The following DCAF8L2 variants were observed in gnomAD, a reference collection of about 807,000 sequenced individuals.
The protein encoded by DCAF8L2 is DDB1 and CUL4 associated factor 8 like 2.
For synonymous variants in DCAF8L2, 200 were observed against 190.9 expected (o/e 1.05, Z -0.39); for missense variants, 430 against 490.7 (o/e 0.88, Z 1.17).
chrX:27,623,722 T>TAAAAAATGGTG (rs1927889858), intron 1 of DCAF8L2, among the ~76,000 whole-genome samples: 1 of 111,473 alleles, frequency 9.0e-6, no homozygotes, highest in African/African-American at 3.3e-5. Context: ...AGACACCATT[T>TAAAAAATGGTG]TTTAAAACAG....
At chrX:27,606,224 GATACAA>G (rs1183010381) in intron 1 of DCAF8L2, among the ~76,000 whole-genome samples, 2 of 55,259 alleles carry the variant, frequency 3.6e-5, no homozygotes, top group African/African-American at 2.6e-4. Flanking sequence ...TTAATTCCTA[GATACAA>G]ATATATATAT....
chrX:27,676,240 G>A, intron 2 of DCAF8L2, among the ~76,000 whole-genome samples: 1 of 111,045 alleles, frequency 9.0e-6, no homozygotes, highest in Middle Eastern at 4.3e-3. Context: ...TGCTGAGGCA[G>A]GGAAATCCAA....
chrX:27,727,692 G>T (rs181641321), intron 4 of DCAF8L2, among the ~76,000 whole-genome samples: 1 of 110,983 alleles, frequency 9.0e-6, no homozygotes, highest in East Asian at 2.8e-4. Flanking sequence ...TATAAACACC[G>T]TGCTAAAATT....
At chrX:27,576,801 T>C in the DCAF8L2 span, among the ~76,000 whole-genome samples, 1 of 112,274 alleles carries the variant, frequency 8.9e-6, no homozygotes, top group African/African-American at 3.2e-5. Context: ...TCAAAATGGC[T>C]TTATATAAAG....
chrX:27,493,966 C>A, the DCAF8L2 span, among the ~76,000 whole-genome samples: 15 of 111,168 alleles, frequency 1.3e-4, no homozygotes, highest in East Asian at 5.6e-4. Context: ...AATCCTATTT[C>A]TTTTTATGTA....
the DCAF8L2 span, among the ~76,000 whole-genome samples, chrX:27,573,393 CAG>C: frequency 9.0e-6 from 1 of 110,762 alleles, no homozygotes; most frequent in South Asian, 3.9e-4. Context: ...TCTGGCTACT[CAG>C]AGAGTATTTC....
chrX:27,470,981 C>A, the DCAF8L2 span, among the ~76,000 whole-genome samples: 7 of 110,742 alleles, frequency 6.3e-5, no homozygotes, highest in Non-Finnish European at 1.1e-4. Flanking sequence ...TGTGGTTTAC[C>A]CATTCGATGT....
intron 2 of DCAF8L2, among the ~76,000 whole-genome samples, chrX:27,665,252 A>C (rs1929701449): frequency 9.0e-6 from 1 of 110,979 alleles, no homozygotes; most frequent in East Asian, 2.8e-4. Context: ...ATTGATTCTA[A>C]ACTTGATAGA....
At chrX:27,588,626 G>T (rs764168951), upstream of DCAF8L2, among the ~76,000 whole-genome samples, 6 of 107,376 alleles carry the variant, frequency 5.6e-5, no homozygotes, top group South Asian at 2.4e-3. Flanking sequence ...CCTTTTATCT[G>T]CAGCCTCACC....
the DCAF8L2 span, among the ~76,000 whole-genome samples, chrX:27,512,714 G>T: frequency 1.9e-5 from 1 of 51,311 alleles, no homozygotes; most frequent in Admixed American, 2.8e-4. Context: ...CACAGCAACA[G>T]AAAAAAAAAT....
intron 3 of DCAF8L2, among the ~76,000 whole-genome samples, chrX:27,686,816 A>G (rs759609698): frequency 3.6e-5 from 4 of 112,093 alleles, no homozygotes; most frequent in South Asian, 3.7e-4. Flanking sequence ...GTAGAAGACA[A>G]TTTTTCTACG....
the DCAF8L2 span, among the ~76,000 whole-genome samples, chrX:27,524,597 C>T: frequency 3.8e-3 from 397 of 105,341 alleles, 3 homozygotes; most frequent in African/African-American, 0.013. Context: ...GCTCTTGCTT[C>T]TCTAGTTCTT....
chrX:27,670,774 C>T (rs185454012), intron 2 of DCAF8L2, among the ~76,000 whole-genome samples: 23 of 110,156 alleles, frequency 2.1e-4, no homozygotes, highest in African/African-American at 6.6e-4. Flanking sequence ...ACTCAATTCC[C>T]ACAGGAACTG....
intron 3 of DCAF8L2, among the ~76,000 whole-genome samples, chrX:27,689,975 A>T (rs2147253023): frequency 8.9e-6 from 1 of 112,040 alleles, no homozygotes; most frequent in East Asian, 2.8e-4. Context: ...AGTCCTATTC[A>T]TGTTAAAAGT....
At chrX:27,690,062 G>A (rs1930657655) in intron 3 of DCAF8L2, among the ~76,000 whole-genome samples, 1 of 111,348 alleles carries the variant, frequency 9.0e-6, no homozygotes, top group Non-Finnish European at 1.9e-5. Flanking sequence ...ATAAGACACT[G>A]TTTGTCAGTA....
At chrX:27,553,536 A>G in the DCAF8L2 span, among the ~76,000 whole-genome samples, 1 of 109,835 alleles carries the variant, frequency 9.1e-6, no homozygotes, top group South Asian at 3.9e-4. Flanking sequence ...AATCTTCTTG[A>G]TGACTTACTG....
chrX:27,507,290 A>T, the DCAF8L2 span, among the ~76,000 whole-genome samples: 1 of 111,837 alleles, frequency 8.9e-6, no homozygotes, highest in South Asian at 3.7e-4. Flanking sequence ...ACCTGGTCTT[A>T]GACAAACACA....
intron 4 of DCAF8L2, among the ~76,000 whole-genome samples, chrX:27,735,286 T>C (rs1354551851): frequency 9.0e-6 from 1 of 111,542 alleles, no homozygotes; most frequent in Non-Finnish European, 1.9e-5. Context: ...AGTGAAGTAC[T>C]AGATAAAACA....
At chrX:27,607,112 G>C (rs530052513) in intron 1 of DCAF8L2, among the ~76,000 whole-genome samples, 2 of 111,382 alleles carry the variant, frequency 1.8e-5, no homozygotes, top group South Asian at 7.5e-4. Flanking sequence ...AACAAGATTA[G>C]GAACTTAAAA....
Sources: gnomAD v4.1 joint callset for allele counts (sites outside exome capture counted in the v4.1 genomes callset) on GRCh38, gnomAD v4.1.1 for gene constraint, MANE v1.5 for transcripts, NCBI Gene and HGNC (gene_info 2026-07-23, HGNC 2026-07-21) for gene names.